The following DNAAF11 variants were observed in gnomAD, a reference collection of about 807,000 sequenced individuals.
The protein encoded by DNAAF11 is leucine rich repeat containing 6.
DNAAF11 carries 45 observed loss-of-function variants against 60.8 expected under a neutral mutation model. The observed-to-expected ratio is 0.74, with a 90% CI of 0.58 to 0.95. The LOEUF (loss-of-function observed/expected upper bound fraction) is 0.95. DNAAF11 is among the 40% of genes least tolerant of loss of function. The probability of loss-of-function intolerance (pLI) is 0.00; values close to 1 mark genes in which losing one functional copy is unlikely to be tolerated. For synonymous variants in DNAAF11, 191 were observed against 183.5 expected, an observed-to-expected ratio of 1.04 and a Z score of -0.33; for missense variants, 546 against 546.2, an observed-to-expected ratio of 1.00 and a Z score of 0.00.
chr8:132,701,336 A>G, the DNAAF11 span, among the ~76,000 whole-genome samples: 1 of 152,348 alleles, frequency 6.6e-6, no homozygotes, highest in East Asian at 1.9e-4. Flanking sequence ...CACTGGGAAT[A>G]GAGTAATGAC....
chr8:132,617,800 T>C (rs1052801953), intron 7 of DNAAF11, among the ~76,000 whole-genome samples: 1 of 151,130 alleles, frequency 6.6e-6, no homozygotes, highest in Non-Finnish European at 1.5e-5. Context: ...TAAAAGAGGA[T>C]ACAAACAAAT....
At chr8:132,620,454 C>A (rs892539007) in intron 7 of DNAAF11, among the ~76,000 whole-genome samples, 1 of 152,186 alleles carries the variant, frequency 6.6e-6, no homozygotes, top group Non-Finnish European at 1.5e-5. Flanking sequence ...CGTGTCCCAG[C>A]CTTCCGAGTG....
chr8:132,681,655 T>C, the DNAAF11 span, among the ~76,000 whole-genome samples: 12 of 152,178 alleles, frequency 7.9e-5, no homozygotes, highest in African/African-American at 2.9e-4. Context: ...ATATGAATTC[T>C]CCAAACATCA....
intron 1 of DNAAF11, 52 bp from the exon 2 acceptor site, chr8:132,661,679 A>C (rs1429470219): frequency 6.4e-7 from 1 of 1,554,188 alleles, no homozygotes; most frequent in Non-Finnish European, 8.9e-7. Context: ...GTTCAATATA[A>C]GATTATTGTG....
At chr8:132,640,598 C>G (rs375082831) in intron 3 of DNAAF11, among the ~76,000 whole-genome samples, 2 of 152,066 alleles carry the variant, frequency 1.3e-5, no homozygotes, top group South Asian at 4.2e-4. Context: ...AGGGTCAAGT[C>G]ATAAATTTAA....
intron 3 of DNAAF11, among the ~76,000 whole-genome samples, chr8:132,653,671 A>G (rs1823248007): frequency 6.6e-6 from 1 of 152,164 alleles, no homozygotes; most frequent in Non-Finnish European, 1.5e-5. Context: ...CAAAGTCTGT[A>G]TACTATTGAA....
At chr8:132,583,654 A>G in intron 11 of DNAAF11, 40 bp downstream of exon 11, 1 of 1,488,506 alleles carries the variant, frequency 6.7e-7, no homozygotes, top group Non-Finnish European at 9.4e-7. Context: ...AATGAAGAGA[A>G]CAATATAATA....
chr8:132,627,785 G>A (rs1278439797), intron 5 of DNAAF11, among the ~76,000 whole-genome samples: 1 of 152,102 alleles, frequency 6.6e-6, no homozygotes, highest in East Asian at 1.9e-4. Flanking sequence ...TGGGGCTTGG[G>A]AAGATGAATG....
At chr8:132,661,807 G>A (rs1031549615) in intron 1 of DNAAF11, 180 bp from the exon 2 acceptor site, 1 of 685,458 alleles carries the variant, frequency 1.5e-6, no homozygotes, top group South Asian at 1.6e-5. Flanking sequence ...TTTTTGTGAT[G>A]CCATGATGTG....
At chr8:132,695,805 G>A in the DNAAF11 span, among the ~76,000 whole-genome samples, 2 of 152,270 alleles carry the variant, frequency 1.3e-5, no homozygotes, top group African/African-American at 2.4e-5. Flanking sequence ...TAGAGTATTC[G>A]ATTCAACCAG....
intron 10 of DNAAF11, among the ~76,000 whole-genome samples, chr8:132,603,986 G>C (rs899893619): frequency 6.6e-6 from 1 of 152,116 alleles, no homozygotes; most frequent in African/African-American, 2.4e-5. Context: ...GTTGCACAAG[G>C]GGATATAAAT....
At chr8:132,663,417 G>GT (rs1224713904) in intron 1 of DNAAF11, among the ~76,000 whole-genome samples, 1 of 152,192 alleles carries the variant, frequency 6.6e-6, no homozygotes, top group Non-Finnish European at 1.5e-5. Flanking sequence ...ATGCTCCTGT[G>GT]TAAAGTAAAT....
intron 5 of DNAAF11, among the ~76,000 whole-genome samples, chr8:132,630,975 T>C (rs1820740874): frequency 1.3e-5 from 2 of 152,208 alleles, no homozygotes; most frequent in African/African-American, 2.4e-5. Flanking sequence ...TTTGGCAATA[T>C]GTAAAAAGTT....
intron 3 of DNAAF11, among the ~76,000 whole-genome samples, chr8:132,649,838 G>C (rs1476717586): frequency 6.6e-6 from 1 of 152,214 alleles, no homozygotes; most frequent in East Asian, 1.9e-4. Context: ...AAACCAGTTA[G>C]AATGGCAATC....
At chr8:132,700,047 C>T in the DNAAF11 span, among the ~76,000 whole-genome samples, 2 of 152,036 alleles carry the variant, frequency 1.3e-5, no homozygotes, top group African/African-American at 4.8e-5. Context: ...TTGTGGTTCA[C>T]AACACTGCAA....
the DNAAF11 span, among the ~76,000 whole-genome samples, chr8:132,695,840 C>A: frequency 6.6e-6 from 1 of 151,922 alleles, no homozygotes; most frequent in African/African-American, 2.4e-5. Flanking sequence ...CCGGAAAGTA[C>A]AATGAATGAA....
intron 6 of DNAAF11, among the ~76,000 whole-genome samples, chr8:132,623,032 C>T (rs1356328344): frequency 6.6e-6 from 1 of 152,138 alleles, no homozygotes; most frequent in Non-Finnish European, 1.5e-5. Flanking sequence ...ACCCAGATAA[C>T]TGTCAACTCT....
intron 10 of DNAAF11, 93 bp from the exon 11 acceptor site, chr8:132,583,872 C>G (rs1233168948): frequency 1.2e-6 from 1 of 861,918 alleles, no homozygotes; most frequent in Non-Finnish European, 1.9e-6. Context: ...GATACTAAAA[C>G]ATTTTAATTT....
intron 3 of DNAAF11, among the ~76,000 whole-genome samples, chr8:132,646,539 G>T (rs538753110): frequency 6.6e-6 from 1 of 152,314 alleles, no homozygotes; most frequent in African/African-American, 2.4e-5. Context: ...GACACAGACT[G>T]GCAAATTGGA....
Sources: allele counts gnomAD v4.1 joint callset (sites outside exome capture counted in the v4.1 genomes callset), GRCh38; gene constraint gnomAD v4.1.1; transcripts MANE v1.5; gene names NCBI Gene and HGNC (gene_info 2026-07-23, HGNC 2026-07-21).